Variants in TRABD2B observed in about 807,000 individuals in gnomAD.
The protein encoded by TRABD2B is metalloprotease TIKI2.
A neutral mutation model predicts 40.1 loss-of-function variants in TRABD2B; 14 were observed. The observed-to-expected ratio is 0.35, with a 90% confidence interval of 0.23 to 0.55. The LOEUF (loss-of-function observed/expected upper bound fraction) is 0.55, where lower values mean the gene tolerates loss of function less well. TRABD2B is among the 20% of genes least tolerant of loss of function. The pLI is 0.90. For missense variants in TRABD2B, 541 were observed against 648.6 expected, an observed-to-expected ratio of 0.83 and a Z score of 1.80; for synonymous variants, 263 against 277.0, an observed-to-expected ratio of 0.95 and a Z score of 0.50.
chr1:47,871,907 G>A (rs1363327421), intron 2 of TRABD2B, among the ~76,000 whole-genome samples: 2 of 152,226 alleles, frequency 1.3e-5, no homozygotes, highest in African/African-American at 4.8e-5. Flanking sequence ...TCCAAGGAAG[G>A]AGAAGGACCA....
intron 4 of TRABD2B, among the ~76,000 whole-genome samples, chr1:47,782,316 C>T: frequency 6.6e-6 from 1 of 152,190 alleles, no homozygotes; most frequent in South Asian, 2.1e-4. Context: ...CCTAAACGTG[C>T]TTGACTCTGG....
At chr1:47,839,565 C>A (rs1645366842) in intron 2 of TRABD2B, among the ~76,000 whole-genome samples, 2 of 152,186 alleles carry the variant, frequency 1.3e-5, no homozygotes, top group African/African-American at 2.4e-5. Context: ...CACGCTCCAG[C>A]CTGCAGCCAG....
chr1:47,767,073 C>T (rs1187194960), intron 6 of TRABD2B, among the ~76,000 whole-genome samples: 7 of 152,178 alleles, frequency 4.6e-5, no homozygotes, highest in African/African-American at 1.4e-4. Flanking sequence ...CAGAGAGAGA[C>T]AGAGGCTAAC....
intron 2 of TRABD2B, chr1:47,819,747 G>T (rs886960691): frequency 6.6e-6 from 1 of 152,164 alleles, no homozygotes; most frequent in Admixed American, 6.5e-5. Flanking sequence ...GGCCAGTGTG[G>T]AGTAATCCTT....
At chr1:47,955,752 A>C (rs1570361341) in intron 2 of TRABD2B, among the ~76,000 whole-genome samples, 2 of 151,666 alleles carry the variant, frequency 1.3e-5, no homozygotes, top group Admixed American at 1.3e-4. Context: ...TGTCTCCAGG[A>C]CCCCCTCCCA....
At chr1:47,948,728 T>A (rs1645296037) in intron 2 of TRABD2B, among the ~76,000 whole-genome samples, 1 of 152,196 alleles carries the variant, frequency 6.6e-6, no homozygotes, top group Admixed American at 6.5e-5. Flanking sequence ...ACAAATAAGA[T>A]GACCTTTCTC....
chr1:47,851,581 A>G (rs911397199), intron 2 of TRABD2B, among the ~76,000 whole-genome samples: 1 of 152,190 alleles, frequency 6.6e-6, no homozygotes, highest in Non-Finnish European at 1.5e-5. Context: ...GAAATGTCAG[A>G]GAGTTTTGTA....
At chr1:47,955,131 T>C (rs1023848200) in intron 2 of TRABD2B, among the ~76,000 whole-genome samples, 4 of 152,198 alleles carry the variant, frequency 2.6e-5, no homozygotes, top group South Asian at 2.1e-4. Context: ...ATGTCTTCTG[T>C]AGCTCATCAG....
chr1:47,803,142 G>A (rs1644845483), intron 2 of TRABD2B, among the ~76,000 whole-genome samples: 2 of 152,334 alleles, frequency 1.3e-5, no homozygotes, highest in East Asian at 1.9e-4. Context: ...TCTCCTCCAG[G>A]AAGCTTCTCT....
At chr1:47,768,512 C>T (rs567914119) in intron 6 of TRABD2B, among the ~76,000 whole-genome samples, 3 of 152,280 alleles carry the variant, frequency 2.0e-5, no homozygotes, top group African/African-American at 4.8e-5. Flanking sequence ...TACTCACCTT[C>T]GAAGGCCAGA....
intron 2 of TRABD2B, among the ~76,000 whole-genome samples, chr1:47,900,105 A>G (rs1335143516): frequency 1.3e-5 from 2 of 152,054 alleles, no homozygotes; most frequent in Non-Finnish European, 2.9e-5. Flanking sequence ...ATAAATATAC[A>G]TGGAAACCAC....
intron 2 of TRABD2B, among the ~76,000 whole-genome samples, chr1:47,812,035 G>A (rs181029472): frequency 6.6e-6 from 1 of 152,214 alleles, no homozygotes; most frequent in Non-Finnish European, 1.5e-5. Flanking sequence ...GGCATCCCTT[G>A]TTCCCCAGTG....
At chr1:47,782,542 T>C (rs1644539104) in intron 4 of TRABD2B, among the ~76,000 whole-genome samples, 1 of 152,188 alleles carries the variant, frequency 6.6e-6, no homozygotes. Flanking sequence ...TGAATGTGTG[T>C]TGAATGAATG....
At chr1:47,810,163 CG>C (rs1644944765) in intron 2 of TRABD2B, among the ~76,000 whole-genome samples, 3 of 151,530 alleles carry the variant, frequency 2.0e-5, no homozygotes, top group Non-Finnish European at 4.4e-5. Context: ...TGCGCGCGCG[CG>C]CGCGCACGTG....
At chr1:47,794,781 C>A in intron 3 of TRABD2B, 21 bp from the exon 4 acceptor site, 1 of 1,345,834 alleles carries the variant, frequency 7.4e-7, no homozygotes. Context: ...AAGACAGAGG[C>A]TGCCTTCAGT....
intron 2 of TRABD2B, among the ~76,000 whole-genome samples, chr1:47,933,302 C>T (rs969034642): frequency 2.6e-5 from 4 of 151,478 alleles, no homozygotes; most frequent in Admixed American, 6.6e-5. Context: ...TTAGTAGAGA[C>T]GGGGTTTCAA....
At chr1:47,909,704 C>T (rs1311664746) in intron 2 of TRABD2B, among the ~76,000 whole-genome samples, 1 of 149,958 alleles carries the variant, frequency 6.7e-6, no homozygotes, top group Non-Finnish European at 1.5e-5. Context: ...GGATCCGCCT[C>T]CATGACCCAA....
At chr1:47,925,024 C>G (rs1276171516) in intron 2 of TRABD2B, among the ~76,000 whole-genome samples, 1 of 152,164 alleles carries the variant, frequency 6.6e-6, no homozygotes, top group African/African-American at 2.4e-5. Context: ...GTCACCTAGC[C>G]CAGAAAGTAA....
intron 2 of TRABD2B, among the ~76,000 whole-genome samples, chr1:47,902,400 A>G (rs536332470): frequency 6.6e-6 from 1 of 152,342 alleles, no homozygotes; most frequent in African/African-American, 2.4e-5. Flanking sequence ...AGAAGAACCG[A>G]GACCCACGAG....
Sources: allele counts gnomAD v4.1 joint callset (sites outside exome capture counted in the v4.1 genomes callset), GRCh38; gene constraint gnomAD v4.1.1; transcripts MANE v1.5; gene names NCBI Gene and HGNC (gene_info 2026-07-23, HGNC 2026-07-21).